TUBE1: variants seen among roughly 807,000 people sequenced by gnomAD.
TUBE1 encodes tubulin epsilon 1, also known as tubulin epsilon chain.
TUBE1 carries 34 observed loss-of-function variants against 53.5 expected under a neutral mutation model. The observed-to-expected ratio is 0.64, with a 90% CI of 0.48 to 0.85. The LOEUF is 0.85. Ranked by LOEUF, TUBE1 falls within the 40% of genes least tolerant of loss-of-function variation. TUBE1 has a pLI of 0.00. For missense variants in TUBE1, 532 were observed against 570.5 expected, an observed-to-expected ratio of 0.93 and a Z score of 0.69; for synonymous variants, 177 against 198.4, an observed-to-expected ratio of 0.89 and a Z score of 0.91.
chr6:112,079,975 T>G lies in TUBE1; in HGVS notation c.327-221A>C, dbSNP rs3756887. On this transcript the variant is annotated intron_variant, in intron 5 of 11. Transcript: ENST00000368662. ...TATCTATAATCCTCAAATATCTGGA[T>G]AAGTAAGCTCATTAGTAGTGAATAT... 0.21 allele frequency among the ~76,000 whole-genome samples: 31,980 copies of G among 151,638 alleles called. 3,753 individuals are homozygous for G. Among genetic ancestry groups the G allele is most frequent in the Middle Eastern group, 0.27 (80 of 294 alleles).
In TUBE1 at chr6:112,071,441, C is replaced by T; in HGVS notation, c.1399G>A (p.Asp467Asn). ...ATAGCTATGCTTAGTCTGGGTAAAT[C>T]CTGCACAGGCATGTTTTTTGTGGCG... ...LDATKNMPVQDLPRLSIAM is the reference protein window; with the variant it reads ...LDATKNMPVQNLPRLSIAM The change falls in exon 12 of 12, where the codon GAT becomes AAT. Residue 467 changes from aspartate to asparagine, a missense_variant. Asp to Asn is a conservative substitution (Grantham distance 23). Transcript: ENST00000368662. 6.2e-7 allele frequency: 1 copy of T among 1,604,428 alleles called. No homozygotes were observed.
chr6:112,086,070 G>T (rs1777150173), intron 3 of TUBE1, among the ~76,000 whole-genome samples: 1 of 152,142 alleles, frequency 6.6e-6, no homozygotes, highest in Non-Finnish European at 1.5e-5. Context: ...TGAACTTAAT[G>T]ATTTAATATT....
rs1554315389 is a variant in TUBE1 at position 112,071,912 on chromosome 6, T to A, written c.1259A>T (p.Tyr420Phe). ...MELKERFMRLYKKKAHLHHYL... is the reference protein window; with the variant it reads ...MELKERFMRLFKKKAHLHHYL... Reference sequence around the variant, plus strand: ...CTGTACAATAATTACCTTTTTCTTGTAGAGCCTCATGAATCTCTCTTTCAG... The same window carrying A: ...CTGTACAATAATTACCTTTTTCTTGAAGAGCCTCATGAATCTCTCTTTCAG... Residue 420 changes from tyrosine (Y) to phenylalanine (F), a missense_variant, in exon 11 of 12, where the codon TAC becomes TTC. By Grantham distance (22) the Tyr-to-Phe change is conservative. Coordinates refer to ENST00000368662, the MANE Select transcript of TUBE1 (RefSeq NM_016262.5). The A allele has an allele frequency of 6.2e-7, 1 of 1,600,398 alleles. No individual in the cohort carries two copies. The highest frequency in any genetic ancestry group is 1.8e-5 in the Admixed American group (1 of 56,658).
chr6:112,085,725 A>G (rs1554317242), intron 3 of TUBE1: 1 of 471,400 alleles, frequency 2.1e-6, no homozygotes, highest in Admixed American at 2.4e-5. Context: ...ATTATTACAC[A>G]GCTTTTCAGT....
chr6:112,076,273 G>T (rs782242624), intron 7 of TUBE1, 49 bp downstream of exon 7: 36 of 1,488,182 alleles, frequency 2.4e-5, no homozygotes, highest in South Asian at 2.3e-4. Flanking sequence ...CATAATACAG[G>T]ACTGAATATA....
At chr6:112,083,563 C>T (rs1215198037) in intron 4 of TUBE1, among the ~76,000 whole-genome samples, 3 of 152,082 alleles carry the variant, frequency 2.0e-5, no homozygotes, top group Admixed American at 2.0e-4. Context: ...TGTGATCTGC[C>T]CGCTTCGGCC....
At chr6:112,072,644 G>T in intron 10 of TUBE1, 114 bp downstream of exon 10, 1 of 1,083,392 alleles carries the variant, frequency 9.2e-7, no homozygotes, top group Non-Finnish European at 1.3e-6. Context: ...TTTGTTCACA[G>T]TCACACTTTA....
Position 112,071,520 on chromosome 6 carries a change from GA to G in TUBE1, c.1319del (p.Phe440SerfsTer32). On this transcript the variant is annotated frameshift_variant, in exon 12 of 12. Transcript: ENST00000368662. LOFTEE classifies it high-confidence loss of function. ...CTGATAAAGATGACACAGCTTCTGT[GA>G]AACAGCTTTCTTCCATCCCTTCAAC... ...LQVEGMEESC[F>X]TEAVSSLSAL... The G allele has an allele frequency of 6.2e-7, 1 of 1,612,234 alleles. No individual in the cohort carries two copies. The highest frequency in any genetic ancestry group is 8.5e-7 in the Non-Finnish European group (1 of 1,178,920).
rs782679352 is a variant in TUBE1, at chr6:112,071,590, G to A, written c.1270-20C>T. 1 of 1,568,906 alleles carries A rather than the reference G, an allele frequency of 6.4e-7. No homozygotes were observed. The highest frequency in any genetic ancestry group is 1.7e-5 in the Admixed American group (1 of 57,636). Reference sequence around the variant, plus strand: ...GTGAGCCTATAAATTAAAAAATTAGGTAACGTTTACCATTTCAGGAACTTT... The same window carrying A: ...GTGAGCCTATAAATTAAAAAATTAGATAACGTTTACCATTTCAGGAACTTT... On this transcript the variant is annotated intron_variant, in intron 11 of 11. Transcript: ENST00000368662.
intron 5 of TUBE1, among the ~76,000 whole-genome samples, chr6:112,080,022 C>T (rs3756886): frequency 0.53 from 81,039 of 151,572 alleles, 22,120 homozygotes; most frequent in African/African-American, 0.62. Flanking sequence ...TTTCTAAATT[C>T]ATCTTAACCT....
intron 6 of TUBE1, among the ~76,000 whole-genome samples, chr6:112,078,891 T>A (rs1269720757): frequency 6.6e-6 from 1 of 152,094 alleles, no homozygotes; most frequent in Non-Finnish European, 1.5e-5. Context: ...TACATACACC[T>A]AACTTGCTGA....
intron 4 of TUBE1, among the ~76,000 whole-genome samples, chr6:112,082,530 C>A (rs587763510): frequency 3.3e-4 from 51 of 152,292 alleles, no homozygotes; most frequent in Admixed American, 2.9e-3. Context: ...TATGCAAATA[C>A]AAACTGATAT....
intron 5 of TUBE1, 38 bp downstream of exon 5, chr6:112,081,054 T>C: frequency 7.8e-7 from 1 of 1,281,098 alleles, no homozygotes; most frequent in Non-Finnish European, 1.1e-6. Context: ...GCTCATTTTT[T>C]TCAGAAGATA....
chr6:112,086,501 C>T, intron 3 of TUBE1, 55 bp downstream of exon 3: 2 of 1,373,330 alleles, frequency 1.5e-6, no homozygotes, highest in Non-Finnish European at 2.0e-6. Flanking sequence ...GAATTCTCTC[C>T]CAAGCTACTG....
At chr6:112,075,402 T>A (rs1281293604) in intron 8 of TUBE1, 1 of 152,360 alleles carries the variant, frequency 6.6e-6, no homozygotes, top group Non-Finnish European at 1.5e-5. Flanking sequence ...TATACTATTA[T>A]AGTTGCTCAT....
rs587670464 is a variant in TUBE1 at position 112,070,931 on chromosome 6, T to C, written c.*481A>G. Reference sequence around the variant, plus strand: ...AGAAGAAGCAAAACCTCCTTAACAGTTGTAATAAAACCTATGCCTGAAAAG... The same window carrying C: ...AGAAGAAGCAAAACCTCCTTAACAGCTGTAATAAAACCTATGCCTGAAAAG... On this transcript the variant is annotated 3_prime_UTR_variant, in exon 12 of 12. Coordinates refer to ENST00000368662, the MANE Select transcript of TUBE1 (RefSeq NM_016262.5). 2.0e-5 allele frequency: 3 copies of C among 152,304 alleles called. No homozygotes were observed. Among genetic ancestry groups the C allele is most frequent in the African/African-American group, 4.8e-5 (2 of 41,598 alleles). 9.4% of individuals were successfully genotyped at this position (152,304 alleles called of 1,614,324 possible).
chr6:112,086,903 G>A (rs1237113843), intron 2 of TUBE1: 1 of 489,214 alleles, frequency 2.0e-6, no homozygotes, highest in Non-Finnish European at 3.6e-6. Context: ...TTTAAAAGCT[G>A]ACTGGTTAAA....
rs115338335 is a variant in TUBE1 at position 112,080,775 on chromosome 6, G to C, written c.326+317C>G. ...ACATCTGACCAATTGGACAACTTGA[G>C]AGTGAGTCAAATAACATAGATAACA... On this transcript the variant is annotated intron_variant, in intron 5 of 11. Transcript: ENST00000368662. Among the ~76,000 whole-genome samples the C allele has an allele frequency of 1.7e-3, 263 of 152,192 alleles. 4 individuals are homozygous for C. The highest frequency in any genetic ancestry group is 6.1e-3 in the African/African-American group (255 of 41,560).
At chr6:112,077,891 GAA>G (rs1776998724) in intron 6 of TUBE1, 1 of 151,948 alleles carries the variant, frequency 6.6e-6, no homozygotes, top group Non-Finnish European at 1.5e-5. Context: ...GTTTCTCTAA[GAA>G]AGAGTTCCCA....
Sources: gnomAD v4.1 joint callset for allele counts (sites outside exome capture counted in the v4.1 genomes callset) on GRCh38, gnomAD v4.1.1 for gene constraint, MANE v1.5 for transcripts, NCBI Gene and HGNC (gene_info 2026-07-23, HGNC 2026-07-21) for gene names.